SLC26A7: variants seen among roughly 807,000 people sequenced by gnomAD.
SLC26A7 encodes anion exchange transporter.
SLC26A7 carries 59 observed loss-of-function variants against 82.5 expected under a neutral mutation model. The ratio of observed to expected loss-of-function variants is 0.72; its 90% CI spans 0.58 to 0.89. The LOEUF (loss-of-function observed/expected upper bound fraction) is 0.89, where lower values mean the gene tolerates loss of function less well. SLC26A7 is among the 40% of genes least tolerant of loss of function. The pLI is 0.00. For missense variants in SLC26A7, 820 were observed against 793.0 expected, an observed-to-expected ratio of 1.03 and a Z score of -0.41; for synonymous variants, 271 against 274.3, an observed-to-expected ratio of 0.99 and a Z score of 0.12.
intron 15 of SLC26A7, 34 bp downstream of exon 15, chr8:91,369,867 T>C (rs773639021): frequency 6.5e-7 from 1 of 1,536,098 alleles, no homozygotes; most frequent in Non-Finnish European, 9.0e-7. Context: ...AAAATCTAAG[T>C]GTTTACCTTG....
At chr8:91,394,146 T>C in intron 18 of SLC26A7, 107 bp downstream of exon 18, 1 of 1,595,860 alleles carries the variant, frequency 6.3e-7, no homozygotes, top group Non-Finnish European at 8.6e-7. Context: ...ATCTAAAATC[T>C]GTTAGCCCCC....
At chr8:91,235,746 CTT>C (rs1286380344) in intron 2 of SLC26A7, among the ~76,000 whole-genome samples, 1 of 152,144 alleles carries the variant, frequency 6.6e-6, no homozygotes, top group Non-Finnish European at 1.5e-5. Context: ...ATTAATAACT[CTT>C]GAGCCATATC....
intron 4 of SLC26A7, among the ~76,000 whole-genome samples, chr8:91,297,331 T>C (rs1255650150): frequency 1.3e-5 from 2 of 151,912 alleles, no homozygotes; most frequent in Non-Finnish European, 2.9e-5. Context: ...AATCATCAGG[T>C]ATTCTGTTAT....
chr8:91,384,750 T>C (rs1814753553), intron 15 of SLC26A7, among the ~76,000 whole-genome samples: 1 of 148,656 alleles, frequency 6.7e-6, no homozygotes, highest in African/African-American at 2.6e-5. Context: ...ACATCTATAT[T>C]AGCTGACTGC....
chr8:91,379,231 A>G (rs2130892199), intron 15 of SLC26A7, among the ~76,000 whole-genome samples: 1 of 152,236 alleles, frequency 6.6e-6, no homozygotes, highest in Admixed American at 6.5e-5. Flanking sequence ...GATATCAAAA[A>G]GCATAATTTC....
intron 2 of SLC26A7, among the ~76,000 whole-genome samples, chr8:91,266,249 C>CT (rs1214013261): frequency 2.6e-5 from 4 of 151,072 alleles, no homozygotes; most frequent in Non-Finnish European, 4.4e-5. Context: ...ACATTTTAGG[C>CT]TTTTTTTTCT....
intron 4 of SLC26A7, among the ~76,000 whole-genome samples, chr8:91,299,741 T>C (rs1440613562): frequency 6.6e-6 from 1 of 152,182 alleles, no homozygotes; most frequent in African/African-American, 2.4e-5. Context: ...TATTTTTAAT[T>C]TTTGTGTGTA....
chr8:91,234,795 A>T, intron 2 of SLC26A7, among the ~76,000 whole-genome samples: 1 of 69,400 alleles, frequency 1.4e-5, no homozygotes, highest in Non-Finnish European at 3.0e-5. Flanking sequence ...CTCCCTCCCT[A>T]CCTACCTACC....
At chr8:91,378,419 AAT>A (rs1364157498) in intron 15 of SLC26A7, among the ~76,000 whole-genome samples, 1 of 147,246 alleles carries the variant, frequency 6.8e-6, no homozygotes, top group Non-Finnish European at 1.5e-5. Flanking sequence ...ATATATAAAT[AAT>A]ATATATTATA....
At chr8:91,342,220 G>A (rs1813440990) in intron 8 of SLC26A7, among the ~76,000 whole-genome samples, 1 of 152,084 alleles carries the variant, frequency 6.6e-6, no homozygotes, top group Non-Finnish European at 1.5e-5. Context: ...ATGAGCCACC[G>A]TGCTCAGCCA....
intron 15 of SLC26A7, among the ~76,000 whole-genome samples, chr8:91,372,298 T>C (rs1029110847): frequency 3.3e-5 from 5 of 151,808 alleles, no homozygotes; most frequent in African/African-American, 1.2e-4. Context: ...TAGTCATAAA[T>C]CTTTTGCTTA....
At chr8:91,255,498 A>G (rs1810776776) in intron 2 of SLC26A7, among the ~76,000 whole-genome samples, 1 of 152,118 alleles carries the variant, frequency 6.6e-6, no homozygotes, top group Non-Finnish European at 1.5e-5. Flanking sequence ...CGTATCTCTA[A>G]CTTAGCTCCC....
At chr8:91,360,867 G>C (rs944561050) in intron 11 of SLC26A7, among the ~76,000 whole-genome samples, 1 of 151,988 alleles carries the variant, frequency 6.6e-6, no homozygotes, top group Non-Finnish European at 1.5e-5. Context: ...TAAAATAATA[G>C]TCAAAAACTT....
chr8:91,234,827 ACTTCCTTC>A (rs1315137017), intron 2 of SLC26A7, among the ~76,000 whole-genome samples: 37 of 92,538 alleles, frequency 4.0e-4, no homozygotes, highest in Non-Finnish European at 6.3e-4. Context: ...CTACCTACCT[ACTTCCTTC>A]CTTCCTTCCT....
intron 5 of SLC26A7, among the ~76,000 whole-genome samples, chr8:91,332,051 C>G (rs960510541): frequency 6.7e-6 from 1 of 149,886 alleles, no homozygotes; most frequent in Non-Finnish European, 1.5e-5. Context: ...TTTTGTTCTG[C>G]TTAGTTTTTG....
At chr8:91,270,051 T>A (rs935858217) in intron 2 of SLC26A7, among the ~76,000 whole-genome samples, 1 of 152,196 alleles carries the variant, frequency 6.6e-6, no homozygotes, top group Admixed American at 6.5e-5. Context: ...TTATTCTGAA[T>A]TCTTTGTCAG....
intron 15 of SLC26A7, among the ~76,000 whole-genome samples, chr8:91,374,957 T>C: frequency 6.6e-6 from 1 of 152,140 alleles, no homozygotes; most frequent in East Asian, 1.9e-4. Flanking sequence ...TCTTGTTGAA[T>C]TGAAACCTTT....
chr8:91,333,655 A>G (rs1226973586), intron 5 of SLC26A7, among the ~76,000 whole-genome samples: 1 of 152,126 alleles, frequency 6.6e-6, no homozygotes, highest in African/African-American at 2.4e-5. Flanking sequence ...GCTTGCATTA[A>G]TGTATTGTTT....
chr8:91,254,217 A>G (rs1444274093), intron 2 of SLC26A7, among the ~76,000 whole-genome samples: 3 of 152,078 alleles, frequency 2.0e-5, no homozygotes, highest in African/African-American at 7.2e-5. Flanking sequence ...AAATCTAGGG[A>G]GACATGGTCA....
Sources: gnomAD v4.1 joint callset for allele counts (sites outside exome capture counted in the v4.1 genomes callset) on GRCh38, gnomAD v4.1.1 for gene constraint, MANE v1.5 for transcripts, NCBI Gene and HGNC (gene_info 2026-07-23, HGNC 2026-07-21) for gene names.